The following TMEM132D variants were observed in gnomAD, a reference collection of about 807,000 sequenced individuals.
The protein encoded by TMEM132D is transmembrane protein 132D.
In TMEM132D, 21 loss-of-function variants were observed where a neutral mutation model predicts 62.3. That is an observed-to-expected ratio of 0.34 (90% CI 0.24 to 0.49). The LOEUF is 0.49. Ranked by LOEUF, TMEM132D falls within the 20% of genes least tolerant of loss-of-function variation. The pLI, the probability that TMEM132D is intolerant of heterozygous loss-of-function variation, is 0.99. For missense variants in TMEM132D, 1,346 were observed against 1,402.8 expected, an observed-to-expected ratio of 0.96 and a Z score of 0.65; for synonymous variants, 621 against 575.6, an observed-to-expected ratio of 1.08 and a Z score of -1.13.
At chr12:129,770,305 G>A (rs1011728820) in intron 1 of TMEM132D, among the ~76,000 whole-genome samples, 5 of 151,776 alleles carry the variant, frequency 3.3e-5, no homozygotes, top group African/African-American at 1.2e-4. Flanking sequence ...CACCACACCT[G>A]GCTAATTTTT....
intron 2 of TMEM132D, among the ~76,000 whole-genome samples, chr12:129,591,931 T>C (rs1287685499): frequency 6.6e-6 from 1 of 152,178 alleles, no homozygotes; most frequent in African/African-American, 2.4e-5. Flanking sequence ...CAATTGACAG[T>C]AAAATACAGC....
chr12:129,394,107 C>T (rs1037165267), intron 3 of TMEM132D, among the ~76,000 whole-genome samples: 6 of 152,148 alleles, frequency 3.9e-5, no homozygotes, highest in Non-Finnish European at 7.4e-5. Flanking sequence ...TTTTGTGGCA[C>T]GGCACGTTTT....
chr12:129,088,749 T>C (rs369209531), intron 5 of TMEM132D, among the ~76,000 whole-genome samples: 1 of 34,998 alleles, frequency 2.9e-5, no homozygotes, highest in African/African-American at 1.5e-4. Flanking sequence ...ATGACCGGGG[T>C]GTCCTCCATG....
chr12:129,099,273 A>T (rs1245015273), intron 5 of TMEM132D, among the ~76,000 whole-genome samples: 1 of 152,172 alleles, frequency 6.6e-6, no homozygotes, highest in Non-Finnish European at 1.5e-5. Flanking sequence ...TTGGGGTAAC[A>T]ACTCTGTGAT....
intron 2 of TMEM132D, among the ~76,000 whole-genome samples, chr12:129,546,063 G>C (rs967671596): frequency 6.6e-6 from 1 of 152,138 alleles, no homozygotes; most frequent in Non-Finnish European, 1.5e-5. Context: ...CACTCTGTTA[G>C]CATCTTCTGC....
intron 3 of TMEM132D, among the ~76,000 whole-genome samples, chr12:129,399,403 G>T (rs375327494): frequency 1.3e-5 from 2 of 152,136 alleles, no homozygotes; most frequent in Admixed American, 1.3e-4. Context: ...ACCCACTCCT[G>T]CAATAGCTAA....
chr12:129,593,850 G>A (rs1878263255), intron 2 of TMEM132D, among the ~76,000 whole-genome samples: 2 of 146,442 alleles, frequency 1.4e-5, no homozygotes, highest in African/African-American at 5.0e-5. Flanking sequence ...TTTTTAAAAT[G>A]TCAAATTCCT....
intron 1 of TMEM132D, among the ~76,000 whole-genome samples, chr12:129,726,076 A>G (rs893260525): frequency 2.0e-5 from 3 of 152,186 alleles, no homozygotes; most frequent in Admixed American, 6.5e-5. Context: ...CCTGATAGAC[A>G]ACACTTCATA....
At chr12:129,501,641 C>T (rs1168012142) in intron 3 of TMEM132D, among the ~76,000 whole-genome samples, 2 of 151,710 alleles carry the variant, frequency 1.3e-5, no homozygotes, top group African/African-American at 4.8e-5. Context: ...AATAGCTGGG[C>T]CTATAGATGC....
intron 3 of TMEM132D, among the ~76,000 whole-genome samples, chr12:129,345,545 G>A (rs767283955): frequency 6.6e-6 from 1 of 152,160 alleles, no homozygotes; most frequent in Non-Finnish European, 1.5e-5. Context: ...ATGGCCTCCT[G>A]CTGGAACTAT....
chr12:129,236,509 C>G lies in TMEM132D; in HGVS notation c.1300-26846G>C, dbSNP rs1369588757. Among the ~76,000 whole-genome samples the G allele has an allele frequency of 6.8e-5, 7 of 102,412 alleles. 2 individuals are homozygous for G. In the Admixed American group the frequency reaches 8.2e-4, roughly 12 times the overall value. The allele number at this position is 102,412 out of a possible 152,430, so 67.2% of individuals were successfully genotyped here. A position where few individuals can be genotyped will look rare whatever the true frequency, so the allele number is the denominator to read the frequency against. ...CAGCCTGGGCAATGGAGTGAGACTC[C>G]ATCTCAAAAAAAAAAAAAAAAAGAA... On this transcript the variant is annotated intron_variant, in intron 4 of 8. Coordinates refer to ENST00000422113, the MANE Select transcript of TMEM132D (RefSeq NM_133448.3).
At chr12:129,617,107 T>C (rs1307801613) in intron 2 of TMEM132D, among the ~76,000 whole-genome samples, 2 of 152,244 alleles carry the variant, frequency 1.3e-5, no homozygotes, top group Admixed American at 1.3e-4. Context: ...ATTTTTATTT[T>C]GTCCTTGAGA....
chr12:129,753,433 A>T (rs1176461243), intron 1 of TMEM132D, among the ~76,000 whole-genome samples: 1 of 152,258 alleles, frequency 6.6e-6, no homozygotes, highest in Admixed American at 6.5e-5. Flanking sequence ...TTAAAGCAAG[A>T]ATTGTTTTGT....
Position 129,781,079 on chromosome 12 carries a change from G to A in TMEM132D, c.80-80381C>T, listed in dbSNP as rs561262036. Among the ~76,000 whole-genome samples, 21 of 152,288 alleles carry A rather than the reference G, an allele frequency of 1.4e-4. 1 individual carries two copies. In the South Asian group the frequency reaches 4.1e-3, roughly 30 times the overall value. ...CACAAAGTGAATGACAAGGAGTTATGCCATCAAAAGCTTTGTTGCAAAATA... is the reference window on the plus strand; with the variant it reads ...CACAAAGTGAATGACAAGGAGTTATACCATCAAAAGCTTTGTTGCAAAATA... On this transcript the variant is annotated intron_variant, in intron 1 of 8. Coordinates refer to ENST00000422113, the MANE Select transcript of TMEM132D (RefSeq NM_133448.3).
chr12:129,295,867 A>G (rs1881561314), intron 4 of TMEM132D, among the ~76,000 whole-genome samples: 1 of 152,152 alleles, frequency 6.6e-6, no homozygotes, highest in South Asian at 2.1e-4. Context: ...GTATTTTTAC[A>G]TCTTGTATTC....
chr12:129,160,366 G>C (rs553984725), intron 5 of TMEM132D, among the ~76,000 whole-genome samples: 2 of 152,348 alleles, frequency 1.3e-5, no homozygotes, highest in East Asian at 3.9e-4. Context: ...TGGTTGCACT[G>C]ATTGGTTCAG....
intron 5 of TMEM132D, among the ~76,000 whole-genome samples, chr12:129,179,355 G>T (rs1288063260): frequency 8.6e-5 from 13 of 151,614 alleles, no homozygotes; most frequent in African/African-American, 3.2e-4. Context: ...TTTTTTCTAA[G>T]AAGGTCAAGG....
At chr12:129,902,536 G>C (rs916116214) in intron 1 of TMEM132D, among the ~76,000 whole-genome samples, 1 of 152,194 alleles carries the variant, frequency 6.6e-6, no homozygotes, top group Admixed American at 6.5e-5. Flanking sequence ...GAAGAGAAGA[G>C]GAAACATTGA....
In TMEM132D at chr12:129,371,752, T is replaced by C. The variant is rs1284012426; in HGVS notation, c.1116-33935A>G. Among the ~76,000 whole-genome samples, 1 of 152,094 alleles carries C rather than the reference T, an allele frequency of 6.6e-6. No individual in the cohort carries two copies. The highest frequency in any genetic ancestry group is 1.5e-5 in the Non-Finnish European group (1 of 68,018). ...TGTTTAGAACTGGAAAACATGGAAG[T>C]CTATACATAGCTTTACGTATCTGCT... On this transcript the variant is annotated intron_variant, in intron 3 of 8. Coordinates refer to ENST00000422113, the MANE Select transcript of TMEM132D (RefSeq NM_133448.3). The surrounding 1 kb of genome is among the most constrained non-coding windows in gnomAD (Gnocchi z 4.3).
Sources: allele counts gnomAD v4.1 joint callset (sites outside exome capture counted in the v4.1 genomes callset), GRCh38; gene constraint gnomAD v4.1.1; non-coding constraint Gnocchi (gnomAD v3.1); transcripts MANE v1.5; gene names NCBI Gene and HGNC (gene_info 2026-07-23, HGNC 2026-07-21).